Variants in RBFOX1 observed in about 807,000 individuals in gnomAD.
The protein encoded by RBFOX1 is RNA binding fox-1 homolog 1.
A neutral mutation model predicts 57.7 loss-of-function variants in RBFOX1; 8 were observed. The observed-to-expected ratio is 0.14, with a 90% CI of 0.08 to 0.25. The LOEUF is 0.25. Among genes scored for constraint, RBFOX1 ranks in the 10% least tolerant of loss-of-function variants. The pLI is 1.00. For synonymous variants in RBFOX1, 326 were observed against 222.4 expected, an observed-to-expected ratio of 1.47 and a Z score of -4.15; for missense variants, 611 against 548.5, an observed-to-expected ratio of 1.11 and a Z score of -1.14.
At chr16:5,782,775 A>G (rs1010131130) in intron 3 of RBFOX1, among the ~76,000 whole-genome samples, 3 of 152,214 alleles carry the variant, frequency 2.0e-5, no homozygotes, top group South Asian at 4.1e-4. Context: ...AACAGGTGGT[A>G]TAATTCAGCC....
intron 2 of RBFOX1, among the ~76,000 whole-genome samples, chr16:6,497,623 C>G (rs373926696): frequency 5.3e-5 from 8 of 151,872 alleles, no homozygotes; most frequent in African/African-American, 1.9e-4. Context: ...GTGGCGCGAT[C>G]TTGGCTTACT....
chr16:6,549,601 G>A (rs1185603983), intron 2 of RBFOX1, among the ~76,000 whole-genome samples: 2 of 151,620 alleles, frequency 1.3e-5, no homozygotes, highest in African/African-American at 2.4e-5. Context: ...TTCACTTGAA[G>A]ATACTGCAGC....
chr16:7,616,713 G>A (rs985213178), intron 10 of RBFOX1, among the ~76,000 whole-genome samples: 1 of 152,096 alleles, frequency 6.6e-6, no homozygotes, highest in South Asian at 2.1e-4. Flanking sequence ...TGTATTTTTA[G>A]TAGAGATGGG....
intron 1 of RBFOX1, among the ~76,000 whole-genome samples, chr16:6,086,984 A>T (rs1394412560): frequency 6.6e-6 from 1 of 152,198 alleles, no homozygotes; most frequent in Non-Finnish European, 1.5e-5. Flanking sequence ...GTAGCAACAC[A>T]TCACTCAAGA....
At chr16:6,703,104 C>G (rs1329499964) in intron 3 of RBFOX1, among the ~76,000 whole-genome samples, 1 of 152,152 alleles carries the variant, frequency 6.6e-6, no homozygotes, top group Non-Finnish European at 1.5e-5. Context: ...GTTTTTAAGG[C>G]TGAATAATAT....
intron 3 of RBFOX1, among the ~76,000 whole-genome samples, chr16:5,755,687 C>T (rs1262620715): frequency 6.6e-6 from 1 of 152,178 alleles, no homozygotes; most frequent in African/African-American, 2.4e-5. Flanking sequence ...CAGCCTCCGC[C>T]TACCAGGTTC....
chr16:7,602,596 G>T (rs528619347), intron 9 of RBFOX1, among the ~76,000 whole-genome samples: 95 of 152,132 alleles, frequency 6.2e-4, no homozygotes, highest in African/African-American at 2.2e-3. Context: ...TATCCCAAGG[G>T]TCTCTTTCAG....
chr16:5,569,306 A>G (rs1294387107), intron 2 of RBFOX1, among the ~76,000 whole-genome samples: 1 of 151,934 alleles, frequency 6.6e-6, no homozygotes, highest in Non-Finnish European at 1.5e-5. Flanking sequence ...GACAAATTTG[A>G]AGCTTGGTTC....
intron 3 of RBFOX1, among the ~76,000 whole-genome samples, chr16:5,739,204 A>G (rs2052687856): frequency 6.6e-6 from 1 of 152,200 alleles, no homozygotes; most frequent in South Asian, 2.1e-4. Context: ...TCAGGCAAGG[A>G]AGGATGAAAG....
chr16:6,811,742 A>G (rs181856282), intron 3 of RBFOX1, among the ~76,000 whole-genome samples: 12 of 152,244 alleles, frequency 7.9e-5, no homozygotes, highest in East Asian at 7.7e-4. Context: ...TACAGAAATT[A>G]GCTGGGCGTG....
intron 4 of RBFOX1, among the ~76,000 whole-genome samples, chr16:7,370,733 A>C (rs140809573): frequency 6.6e-6 from 1 of 152,358 alleles, no homozygotes; most frequent in East Asian, 1.9e-4. Flanking sequence ...TTTCCTGTTT[A>C]GGTACCCGAG....
chr16:7,014,272 G>A (rs74766088), intron 3 of RBFOX1, among the ~76,000 whole-genome samples: 7,046 of 151,596 alleles, frequency 0.046, 557 homozygotes, highest in African/African-American at 0.16. Context: ...GTGTGCAGTG[G>A]CATGATTTTG....
chr16:7,136,580 T>C (rs2072052826), intron 4 of RBFOX1, among the ~76,000 whole-genome samples: 1 of 151,910 alleles, frequency 6.6e-6, no homozygotes, highest in South Asian at 2.1e-4. Flanking sequence ...CTAATTAATT[T>C]GTTTGTTTGT....
intron 3 of RBFOX1, among the ~76,000 whole-genome samples, chr16:7,043,842 T>G (rs147116072): frequency 1.3e-5 from 2 of 152,220 alleles, no homozygotes; most frequent in African/African-American, 2.4e-5. Context: ...TTCCATAATC[T>G]CACTGAGCTT....
intron 14 of RBFOX1, among the ~76,000 whole-genome samples, chr16:7,700,247 TCA>T (rs2080229692): frequency 6.6e-6 from 1 of 152,172 alleles, no homozygotes; most frequent in Non-Finnish European, 1.5e-5. Flanking sequence ...TGCAGTCCTC[TCA>T]GTCTTAATAA....
In RBFOX1 at chr16:7,304,523, G is replaced by A. The variant is rs1156664602; in HGVS notation, c.28-213624G>A. On this transcript the variant is annotated intron_variant, in intron 4 of 15. Transcript: ENST00000550418. Reference sequence around the variant, plus strand: ...TCTGCCCTCGGTGGCTGCTTTCCTGGGGCTGGGCCAGATGGGTCCCCGCGC... The same window carrying A: ...TCTGCCCTCGGTGGCTGCTTTCCTGAGGCTGGGCCAGATGGGTCCCCGCGC... The A allele has an allele frequency of 4.1e-6, 4 of 985,066 alleles. No individual in the cohort carries two copies. In the East Asian group the frequency reaches 3.4e-4, roughly 84 times the overall value. 61.0% of individuals were successfully genotyped at this position (985,066 alleles called of 1,614,324 possible). A position where few individuals can be genotyped will look rare whatever the true frequency, so the allele number is the denominator to read the frequency against.
intron 1 of RBFOX1, among the ~76,000 whole-genome samples, chr16:6,268,790 G>C (rs1171450268): frequency 6.6e-6 from 1 of 152,094 alleles, no homozygotes; most frequent in Admixed American, 6.5e-5. Flanking sequence ...GTGGACTTCT[G>C]GAAAGATGAA....
chr16:7,310,308 G>A (rs2096279724), intron 4 of RBFOX1, among the ~76,000 whole-genome samples: 1 of 152,216 alleles, frequency 6.6e-6, no homozygotes, highest in Admixed American at 6.5e-5. Context: ...CCTGGCTCCT[G>A]AGAGGGTTTG....
At position 5,619,347 on chromosome 16, in the gene RBFOX1, G is replaced by C. The variant is rs116107529; in HGVS notation, c.318+20386G>C. Among the ~76,000 whole-genome samples the C allele has an allele frequency of 3.0e-3, 457 of 152,222 alleles. 1 individual carries two copies. Among genetic ancestry groups the C allele is most frequent in the African/African-American group, 9.9e-3 (412 of 41,546 alleles). On this transcript the variant is annotated intron_variant, in intron 3 of 19. Transcript: ENST00000641259. ...AGTTCCTTGGCAGATAGTGCCCAGG[G>C]ACGGGCATGTTCAACATGAGATTAA...
Sources: allele counts gnomAD v4.1 joint callset (sites outside exome capture counted in the v4.1 genomes callset), GRCh38; gene constraint gnomAD v4.1.1; transcripts MANE v1.5; gene names NCBI Gene and HGNC (gene_info 2026-07-23, HGNC 2026-07-21).